EPG5: variants seen among roughly 807,000 people sequenced by gnomAD.
The protein encoded by EPG5 is ectopic P-granules 5 autophagy tethering factor.
In EPG5, 159 loss-of-function variants were observed where a neutral mutation model predicts 302.7. That is an observed-to-expected ratio of 0.53 (90% confidence interval 0.46 to 0.60). The LOEUF is 0.60. Ranked by LOEUF, EPG5 falls within the 20% of genes least tolerant of loss-of-function variation. The probability of loss-of-function intolerance (pLI) is 0.00; values close to 1 mark genes in which losing one functional copy is unlikely to be tolerated. For synonymous variants in EPG5, 1,158 were observed against 1,136.8 expected (o/e 1.02, Z -0.37); for missense variants, 2,896 against 3,092.4 (o/e 0.94, Z 1.51).
intron 10 of EPG5, among the ~76,000 whole-genome samples, chr18:45,937,792 T>G (rs1014382267): frequency 1.3e-5 from 2 of 152,194 alleles, no homozygotes; most frequent in South Asian, 4.1e-4. Context: ...AAATTTCCAT[T>G]TGAGTGCCGA....
At chr18:45,804,875 A>C in the EPG5 span, among the ~76,000 whole-genome samples, 5 of 152,156 alleles carry the variant, frequency 3.3e-5, no homozygotes, top group East Asian at 3.8e-4. Flanking sequence ...AAAAATTATG[A>C]CCTTGCATTG....
intron 9 of EPG5, among the ~76,000 whole-genome samples, chr18:45,942,094 A>G (rs7230592): frequency 0.1 from 15,163 of 152,136 alleles, 889 homozygotes; most frequent in African/African-American, 0.16. Flanking sequence ...GCGTGGTGGC[A>G]CACACCAATA....
chr18:45,871,792 G>C (rs1030374506), intron 35 of EPG5, among the ~76,000 whole-genome samples: 2 of 152,184 alleles, frequency 1.3e-5, no homozygotes, highest in Non-Finnish European at 2.9e-5. Context: ...CAGGGGAAAA[G>C]GGAGGGAATG....
chr18:45,865,835 T>G, intron 38 of EPG5, 76 bp from the exon 39 acceptor site: 1 of 1,483,262 alleles, frequency 6.7e-7, no homozygotes, highest in Admixed American at 1.9e-5. Flanking sequence ...CCTGGGAGCA[T>G]GGCACTGCAA....
the EPG5 span, chr18:45,842,174 T>C: frequency 2.5e-6 from 4 of 1,614,206 alleles, no homozygotes; most frequent in African/African-American, 2.7e-5. Context: ...CCAGCCACCA[T>C]GTGCTCACCG....
intron 36 of EPG5, among the ~76,000 whole-genome samples, 190 bp downstream of exon 36, chr18:45,870,377 G>A (rs984258621): frequency 1.3e-5 from 2 of 152,046 alleles, no homozygotes; most frequent in Non-Finnish European, 2.9e-5. Context: ...AAATGGTCCT[G>A]TAGATGTTTT....
the EPG5 span, among the ~76,000 whole-genome samples, chr18:45,804,804 C>T: frequency 6.6e-6 from 1 of 151,890 alleles, no homozygotes; most frequent in Admixed American, 6.6e-5. Context: ...TCAAAACTAG[C>T]AAATAGAAAA....
chr18:45,911,108 CACATAT>C (rs2049886638), intron 22 of EPG5, among the ~76,000 whole-genome samples: 1 of 121,630 alleles, frequency 8.2e-6, no homozygotes, highest in Non-Finnish European at 1.8e-5. Flanking sequence ...CACACACACA[CACATAT>C]ATATATATAT....
At chr18:45,827,902 G>A in the EPG5 span, among the ~76,000 whole-genome samples, 5 of 152,178 alleles carry the variant, frequency 3.3e-5, no homozygotes, top group Non-Finnish European at 5.9e-5. Context: ...AAAAACAAAC[G>A]CCAAACCACA....
intron 23 of EPG5, among the ~76,000 whole-genome samples, chr18:45,909,090 G>A (rs894520232): frequency 6.6e-6 from 1 of 152,152 alleles, no homozygotes; most frequent in African/African-American, 2.4e-5. Context: ...AGGGGACTGG[G>A]AGATGGTCTG....
Position 45,961,874 on chromosome 18 carries a change from A to AAC in EPG5, c.63+5302_63+5303insGT, listed in dbSNP as rs1444516324. On this transcript the variant is annotated intron_variant, in intron 1 of 43. Transcript: ENST00000282041. ...ACTCTGTCCCAAAAAAAAAAAAAAAAAACTATCCAGACCACCCATCCTAAC... is the reference window on the plus strand; with the variant it reads ...ACTCTGTCCCAAAAAAAAAAAAAAAAACAACTATCCAGACCACCCATCCTAAC... 6.6e-3 allele frequency among the ~76,000 whole-genome samples: 1,002 copies of AAC among 151,764 alleles called. 10 individuals are homozygous for AAC. The highest frequency in any genetic ancestry group is 0.023 in the African/African-American group (939 of 41,272).
intron 1 of EPG5, among the ~76,000 whole-genome samples, chr18:45,966,677 G>A (rs2143976067): frequency 6.6e-6 from 1 of 152,266 alleles, no homozygotes; most frequent in South Asian, 2.1e-4. Flanking sequence ...AACAGAGGCA[G>A]CACTACTATC....
chr18:45,870,504 G>A (rs2048845991), intron 36 of EPG5, 63 bp downstream of exon 36: 4 of 1,473,284 alleles, frequency 2.7e-6, no homozygotes, highest in Admixed American at 1.8e-5. Context: ...CAACCACAGT[G>A]ACCAGGCTGC....
At chr18:45,871,866 T>C (rs2050386348) in intron 35 of EPG5, among the ~76,000 whole-genome samples, 1 of 152,052 alleles carries the variant, frequency 6.6e-6, no homozygotes, top group Non-Finnish European at 1.5e-5. Flanking sequence ...TCAGGATCTA[T>C]TGTACAGCAG....
intron 27 of EPG5, 33 bp from the exon 28 acceptor site, chr18:45,889,973 C>A: frequency 6.6e-7 from 1 of 1,523,586 alleles, no homozygotes; most frequent in East Asian, 2.3e-5. Flanking sequence ...AAAGACATTT[C>A]CCCCCATGTG....
intron 1 of EPG5, among the ~76,000 whole-genome samples, chr18:45,965,719 G>A (rs1317392149): frequency 6.6e-6 from 1 of 152,216 alleles, no homozygotes; most frequent in Non-Finnish European, 1.5e-5. Flanking sequence ...TATGAGGTCT[G>A]GCCATGCGGG....
chr18:45,904,729 AAAAT>A (rs1271339013), intron 24 of EPG5, among the ~76,000 whole-genome samples: 5 of 143,348 alleles, frequency 3.5e-5, no homozygotes, highest in Non-Finnish European at 7.5e-5. Context: ...TTAAACTATG[AAAAT>A]AAATAAAAAA....
rs367653654 is a variant in EPG5, at chr18:45,939,622, G to C, written c.2077C>G (p.Leu693Val). 5.0e-6 allele frequency: 8 copies of C among 1,613,952 alleles called. No homozygotes were observed. The highest frequency in any genetic ancestry group is 6.8e-6 in the Non-Finnish European group (8 of 1,180,008). The stretch of plus-strand genomic sequence containing the variant: ...TACCTTTTGGCCTTCAGCACATGTA[G>C]GACAGCCCTCAAAAACAGTTCATCA... The part of the protein sequence containing the change: ...EFDELFLRAV[L>V]HVLKAKRLGI... The change falls in exon 10 of 44, where the codon CTA (leucine) becomes GTA (valine). Residue 693 changes from leucine (L) to valine (V), a missense_variant. Leu to Val is a conservative substitution (Grantham distance 32). Coordinates refer to ENST00000282041, the MANE Select transcript of EPG5 (RefSeq NM_020964.3).
At chr18:45,801,877 C>G in the EPG5 span, among the ~76,000 whole-genome samples, 1 of 152,204 alleles carries the variant, frequency 6.6e-6, no homozygotes, top group Non-Finnish European at 1.5e-5. Context: ...GCATCCACCC[C>G]CTTCAGGGCT....
Sources: gnomAD v4.1 joint callset for allele counts (sites outside exome capture counted in the v4.1 genomes callset) on GRCh38, gnomAD v4.1.1 for gene constraint, MANE v1.5 for transcripts, NCBI Gene and HGNC (gene_info 2026-07-23, HGNC 2026-07-21) for gene names.